RNLS: variants seen among roughly 807,000 people sequenced by gnomAD.
RNLS encodes renalase, FAD dependent amine oxidase.
A neutral mutation model predicts 39.8 loss-of-function variants in RNLS; 39 were observed. That is an observed-to-expected ratio of 0.98 (90% CI 0.76 to 1.28). The LOEUF (loss-of-function observed/expected upper bound fraction) is 1.28, where lower values mean the gene tolerates loss of function less well. RNLS is among the 50% of genes most tolerant of loss of function. RNLS has a pLI of 0.00. For missense variants in RNLS, 410 were observed against 413.3 expected (o/e 0.99, Z 0.07); for synonymous variants, 147 against 150.7 (o/e 0.98, Z 0.18).
At chr10:88,581,429 G>A in intron 3 of RNLS, 138 bp downstream of exon 3, 1 of 585,912 alleles carries the variant, frequency 1.7e-6, no homozygotes, top group Non-Finnish European at 2.7e-6. Context: ...GATTACTTTG[G>A]GGAAGGACTA....
the RNLS span, among the ~76,000 whole-genome samples, chr10:88,240,759 C>T: frequency 6.6e-6 from 1 of 152,020 alleles, no homozygotes; most frequent in Non-Finnish European, 1.5e-5. Flanking sequence ...ACCATGACCT[C>T]CTCCTAATCA....
At chr10:88,565,968 C>T (rs1737166400) in intron 4 of RNLS, among the ~76,000 whole-genome samples, 1 of 151,650 alleles carries the variant, frequency 6.6e-6, no homozygotes, top group East Asian at 1.9e-4. Context: ...AGGATGGTCT[C>T]GATCTCTTGA....
chr10:88,509,932 T>G (rs1424475137), intron 4 of RNLS, among the ~76,000 whole-genome samples: 1 of 152,186 alleles, frequency 6.6e-6, no homozygotes, highest in Non-Finnish European at 1.5e-5. Context: ...CCAAGATGAC[T>G]TATCAAGCCC....
chr10:88,445,407 GTAACGAGCAAAA>G (rs1488943168), intron 4 of RNLS, among the ~76,000 whole-genome samples: 1 of 151,312 alleles, frequency 6.6e-6, no homozygotes. Flanking sequence ...GAAACTGCAA[GTAACGAGCAAAA>G]TAACCAGCTC....
chr10:88,366,001 T>C (rs1337397429), intron 4 of RNLS, among the ~76,000 whole-genome samples: 1 of 152,148 alleles, frequency 6.6e-6, no homozygotes. Flanking sequence ...ATCCATCCAT[T>C]ATGCCATGCA....
intron 4 of RNLS, among the ~76,000 whole-genome samples, chr10:88,468,363 C>T (rs921151537): frequency 6.6e-6 from 1 of 152,166 alleles, no homozygotes; most frequent in African/African-American, 2.4e-5. Flanking sequence ...GGCTCTGTAT[C>T]TCCCCTGGAC....
the RNLS span, among the ~76,000 whole-genome samples, chr10:88,190,718 A>T: frequency 2.0e-5 from 3 of 151,906 alleles, no homozygotes; most frequent in Admixed American, 6.6e-5. Flanking sequence ...TGTGTTCTCC[A>T]CCCTCCTCCT....
chr10:88,530,878 A>T (rs1289458429), intron 4 of RNLS, among the ~76,000 whole-genome samples: 2 of 152,192 alleles, frequency 1.3e-5, no homozygotes, highest in African/African-American at 4.8e-5. Context: ...GAATGAACAA[A>T]TGAATAGGTA....
chr10:88,362,433 T>C (rs921919549), intron 5 of RNLS, 119 bp downstream of exon 5: 3 of 865,632 alleles, frequency 3.5e-6, no homozygotes, highest in East Asian at 2.6e-5. Context: ...TTTTATCCCC[T>C]GTGGCTTGGA....
intron 4 of RNLS, among the ~76,000 whole-genome samples, chr10:88,496,336 A>G (rs1198249704): frequency 6.6e-6 from 1 of 152,174 alleles, no homozygotes; most frequent in Non-Finnish European, 1.5e-5. Flanking sequence ...AAAATTTCCA[A>G]GAGAACTATT....
At chr10:88,302,320 C>G (rs1651974841) in intron 6 of RNLS, among the ~76,000 whole-genome samples, 1 of 152,150 alleles carries the variant, frequency 6.6e-6, no homozygotes, top group African/African-American at 2.4e-5. Flanking sequence ...TGGAAAAGAA[C>G]TACGAAACAA....
At chr10:88,472,183 G>A (rs1165873370) in intron 4 of RNLS, among the ~76,000 whole-genome samples, 2 of 152,170 alleles carry the variant, frequency 1.3e-5, no homozygotes, top group African/African-American at 2.4e-5. Flanking sequence ...CCTGCCCAGG[G>A]CTGGGAAGGG....
At chr10:88,463,761 A>G (rs1843058952) in intron 4 of RNLS, among the ~76,000 whole-genome samples, 1 of 152,044 alleles carries the variant, frequency 6.6e-6, no homozygotes, top group South Asian at 2.1e-4. Flanking sequence ...GTATTTGGCT[A>G]AAAAATAAAA....
intron 6 of RNLS, among the ~76,000 whole-genome samples, chr10:88,294,184 T>C (rs555777272): frequency 6.6e-6 from 1 of 152,276 alleles, no homozygotes; most frequent in South Asian, 2.1e-4. Context: ...TCTTACCATA[T>C]TCCCAAGGCA....
intron 4 of RNLS, among the ~76,000 whole-genome samples, chr10:88,536,197 T>G (rs1847747951): frequency 6.6e-6 from 1 of 152,206 alleles, no homozygotes; most frequent in Non-Finnish European, 1.5e-5. Flanking sequence ...GTGAAATACC[T>G]AATGTTTGGA....
chr10:88,491,017 T>TA (rs1290405227), intron 4 of RNLS, among the ~76,000 whole-genome samples: 5 of 152,312 alleles, frequency 3.3e-5, no homozygotes, highest in Admixed American at 6.5e-5. Context: ...TTAATTTTTG[T>TA]ATCTGTAAGA....
chr10:88,451,487 C>T (rs561118691), intron 4 of RNLS, among the ~76,000 whole-genome samples: 2 of 152,148 alleles, frequency 1.3e-5, no homozygotes, highest in Admixed American at 1.3e-4. Context: ...GAGAAGGGAG[C>T]CCCACTGAGC....
chr10:88,184,841 G>A, the RNLS span, among the ~76,000 whole-genome samples: 2 of 152,088 alleles, frequency 1.3e-5, no homozygotes, highest in South Asian at 4.1e-4. Flanking sequence ...TTTGTGTCCT[G>A]AGGTACTCCA....
intron 4 of RNLS, among the ~76,000 whole-genome samples, chr10:88,419,573 A>G (rs1854255767): frequency 6.6e-6 from 1 of 152,142 alleles, no homozygotes; most frequent in African/African-American, 2.4e-5. Context: ...TTGCATTTTT[A>G]AAGATGTAAC....
Sources: allele counts gnomAD v4.1 joint callset (sites outside exome capture counted in the v4.1 genomes callset), GRCh38; gene constraint gnomAD v4.1.1; transcripts MANE v1.5; gene names NCBI Gene and HGNC (gene_info 2026-07-23, HGNC 2026-07-21).